The following LRRTM3 variants were observed in gnomAD, a reference collection of about 807,000 sequenced individuals.
LRRTM3 encodes the protein leucine rich repeat transmembrane neuronal 3, also known as leucine-rich repeat transmembrane neuronal protein 3.
A neutral mutation model predicts 44.7 loss-of-function variants in LRRTM3; 24 were observed. That is an observed-to-expected ratio of 0.54 (90% CI 0.39 to 0.76). The LOEUF (loss-of-function observed/expected upper bound fraction) is 0.76. Ranked by LOEUF, LRRTM3 falls within the 30% of genes least tolerant of loss-of-function variation. The pLI is 0.00. For synonymous variants in LRRTM3, 277 were observed against 278.7 expected (o/e 0.99, Z 0.06); for missense variants, 587 against 702.2 (o/e 0.84, Z 1.85).
intron 2 of LRRTM3, among the ~76,000 whole-genome samples, chr10:67,080,940 A>T (rs1454609808): frequency 3.4e-5 from 5 of 144,960 alleles, no homozygotes; most frequent in Admixed American, 2.1e-4. Context: ...AAACAACAAA[A>T]AAAAAAAAAC....
chr10:67,006,204 A>G (rs1291887567), intron 2 of LRRTM3, among the ~76,000 whole-genome samples: 2 of 152,136 alleles, frequency 1.3e-5, no homozygotes, highest in Non-Finnish European at 2.9e-5. Context: ...AGAGACAGGA[A>G]GTGGCAGAGT....
At chr10:67,068,800 C>T (rs1026280587) in intron 2 of LRRTM3, among the ~76,000 whole-genome samples, 2 of 152,318 alleles carry the variant, frequency 1.3e-5, no homozygotes, top group Non-Finnish European at 2.9e-5. Context: ...TGGCTTACGC[C>T]TGTAATCCCA....
chr10:67,013,847 A>C (rs1336389620), intron 2 of LRRTM3, among the ~76,000 whole-genome samples: 1 of 152,162 alleles, frequency 6.6e-6, no homozygotes. Flanking sequence ...GAAAAGATAC[A>C]GGCCCACTCT....
chr10:67,058,414 T>C (rs1855567035), intron 2 of LRRTM3, among the ~76,000 whole-genome samples: 2 of 152,204 alleles, frequency 1.3e-5, no homozygotes, highest in Admixed American at 1.3e-4. Context: ...ACAGGTACAA[T>C]TTCTGGCTGT....
intron 2 of LRRTM3, among the ~76,000 whole-genome samples, chr10:67,032,721 T>G (rs1853807214): frequency 6.6e-6 from 1 of 152,188 alleles, no homozygotes; most frequent in Non-Finnish European, 1.5e-5. Flanking sequence ...TAATATCCTG[T>G]GTAAAAGAAG....
chr10:66,982,099 A>G (rs952854511), intron 2 of LRRTM3, among the ~76,000 whole-genome samples: 3 of 152,198 alleles, frequency 2.0e-5, no homozygotes, highest in African/African-American at 7.2e-5. Context: ...GAAAAAGGAT[A>G]AGCCATCCAA....
chr10:66,999,004 T>C (rs148099234), intron 2 of LRRTM3, among the ~76,000 whole-genome samples: 229 of 152,200 alleles, frequency 1.5e-3, no homozygotes, highest in African/African-American at 5.2e-3. Context: ...TCTGTGCATA[T>C]AAGACAATTA....
chr10:66,980,838 T>G (rs1850385872), intron 2 of LRRTM3, among the ~76,000 whole-genome samples: 1 of 152,202 alleles, frequency 6.6e-6, no homozygotes, highest in Non-Finnish European at 1.5e-5. Context: ...TATGACTCCC[T>G]GTACACCAGA....
At chr10:66,958,184 G>A (rs1848921851) in intron 2 of LRRTM3, among the ~76,000 whole-genome samples, 1 of 151,810 alleles carries the variant, frequency 6.6e-6, no homozygotes, top group Admixed American at 6.6e-5. Flanking sequence ...TTGAATAAAA[G>A]AGAAAGGAAG....
intron 2 of LRRTM3, among the ~76,000 whole-genome samples, chr10:66,987,074 A>C (rs1299156766): frequency 2.6e-5 from 4 of 152,194 alleles, no homozygotes; most frequent in Admixed American, 2.0e-4. Flanking sequence ...CAAGTGCAAA[A>C]GTCCCGACGT....
intron 2 of LRRTM3, among the ~76,000 whole-genome samples, chr10:67,013,338 C>T (rs1339353935): frequency 6.6e-6 from 1 of 152,092 alleles, no homozygotes; most frequent in Non-Finnish European, 1.5e-5. Flanking sequence ...GTAGTTATTT[C>T]AGTTTTTAAT....
chr10:67,003,043 A>G (rs1319773027), intron 2 of LRRTM3, among the ~76,000 whole-genome samples: 2 of 152,110 alleles, frequency 1.3e-5, no homozygotes, highest in South Asian at 2.1e-4. Context: ...TGCCATGGTT[A>G]TGTTCATAGG....
chr10:66,943,701 T>C (rs988757988), intron 2 of LRRTM3, among the ~76,000 whole-genome samples: 2 of 152,124 alleles, frequency 1.3e-5, no homozygotes, highest in Middle Eastern at 3.2e-3. Context: ...GGAAAACAAA[T>C]ACAGGCATAC....
chr10:67,090,985 CA>C (rs1857597294), intron 2 of LRRTM3, among the ~76,000 whole-genome samples: 1 of 152,014 alleles, frequency 6.6e-6, no homozygotes, highest in African/African-American at 2.4e-5. Flanking sequence ...ACAAAATTTT[CA>C]AGCTGGGAGT....
intron 2 of LRRTM3, among the ~76,000 whole-genome samples, chr10:67,022,371 G>A (rs1026661483): frequency 3.3e-5 from 5 of 151,956 alleles, no homozygotes; most frequent in South Asian, 2.1e-4. Context: ...GTTCTATGAA[G>A]GAACAAGTTA....
intron 2 of LRRTM3, among the ~76,000 whole-genome samples, chr10:67,079,503 A>G (rs1856923452): frequency 6.6e-6 from 1 of 152,220 alleles, no homozygotes. Context: ...TAGAAAAGGC[A>G]AAGTATTACA....
At position 67,045,786 on chromosome 10, in the gene LRRTM3, T is replaced by C. The variant is rs576954075; in HGVS notation, c.1537-51801T>C. Reference sequence around the variant, plus strand: ...GAAACCGAACTGGAGAAAGTTTCAATGAATTACTCTATACCACATTGCTAG... The same window carrying C: ...GAAACCGAACTGGAGAAAGTTTCAACGAATTACTCTATACCACATTGCTAG... On this transcript the variant is annotated intron_variant, in intron 2 of 2. Coordinates refer to ENST00000361320, the MANE Select transcript of LRRTM3 (RefSeq NM_178011.5). Among the ~76,000 whole-genome samples the C allele has an allele frequency of 3.3e-3, 499 of 152,252 alleles. 3 individuals carry two copies. Among genetic ancestry groups the C allele is most frequent in the Middle Eastern group, 6.8e-3 (2 of 294 alleles).
intron 2 of LRRTM3, among the ~76,000 whole-genome samples, chr10:67,019,311 C>T (rs1003797407): frequency 2.0e-5 from 3 of 152,086 alleles, no homozygotes; most frequent in East Asian, 3.9e-4. Flanking sequence ...CTCTGCCTTC[C>T]GGGTCCAAGC....
chr10:66,940,140 G>A (rs918721389), intron 2 of LRRTM3, among the ~76,000 whole-genome samples: 4 of 152,084 alleles, frequency 2.6e-5, no homozygotes, highest in South Asian at 2.1e-4. Flanking sequence ...GCTCCAGAGC[G>A]CATAGTTTGA....
Sources: allele counts gnomAD v4.1 joint callset (sites outside exome capture counted in the v4.1 genomes callset), GRCh38; gene constraint gnomAD v4.1.1; transcripts MANE v1.5; gene names NCBI Gene and HGNC (gene_info 2026-07-23, HGNC 2026-07-21).